Variants in RWDD4 observed in about 807,000 individuals in gnomAD.
The protein encoded by RWDD4 is RWD domain containing 4.
In RWDD4, 16 loss-of-function variants were observed where a neutral mutation model predicts 30.0. That is an observed-to-expected ratio of 0.53 (90% CI 0.36 to 0.81). The LOEUF (loss-of-function observed/expected upper bound fraction) is 0.81. Among genes scored for constraint, RWDD4 ranks in the 30% least tolerant of loss-of-function variants. The pLI, the probability that RWDD4 is intolerant of heterozygous loss-of-function variation, is 0.00. For synonymous variants in RWDD4, 45 were observed against 72.1 expected (o/e 0.62, Z 1.90); for missense variants, 170 against 223.9 (o/e 0.76, Z 1.54).
At chr4:183,658,805 C>A (rs1441741240) in intron 1 of RWDD4, 124 bp downstream of exon 1, 6 of 895,414 alleles carry the variant, frequency 6.7e-6, no homozygotes, top group Non-Finnish European at 4.4e-6. Context: ...ACTCGGGGCA[C>A]CCCGGCCGGC....
At position 183,652,608 on chromosome 4, in the gene RWDD4, G is replaced by A. The variant is rs545687352; in HGVS notation, c.106-1281C>T. On this transcript the variant is annotated intron_variant, in intron 2 of 7. Transcript: ENST00000326397. ...GGGTAGATCATGAGGTCAAGAGATCGAGACCATCCTGGCCAACATGGTGAA... is the reference window on the plus strand; with the variant it reads ...GGGTAGATCATGAGGTCAAGAGATCAAGACCATCCTGGCCAACATGGTGAA... 9.9e-5 allele frequency among the ~76,000 whole-genome samples: 15 copies of A among 152,008 alleles called. No homozygotes were observed. In the East Asian group the frequency reaches 1.4e-3, roughly 14 times the overall value.
At chr4:183,642,042 C>G (rs2111225473) in intron 7 of RWDD4, among the ~76,000 whole-genome samples, 1 of 152,162 alleles carries the variant, frequency 6.6e-6, no homozygotes, top group South Asian at 2.1e-4. Flanking sequence ...TCTGATCAGA[C>G]TACTGCTCCA....
At chr4:183,657,075 T>C (rs969123240) in intron 1 of RWDD4, among the ~76,000 whole-genome samples, 1 of 152,150 alleles carries the variant, frequency 6.6e-6, no homozygotes, top group African/African-American at 2.4e-5. Context: ...AAACAGTGTG[T>C]GAGGAACTGG....
chr4:183,650,585 T>C (rs1427026877), intron 4 of RWDD4, among the ~76,000 whole-genome samples: 1 of 152,204 alleles, frequency 6.6e-6, no homozygotes, highest in East Asian at 1.9e-4. Context: ...CATCTACACA[T>C]TGAACTGTGG....
At chr4:183,658,508 T>G (rs1734267108) in intron 1 of RWDD4, among the ~76,000 whole-genome samples, 1 of 152,210 alleles carries the variant, frequency 6.6e-6, no homozygotes, top group African/African-American at 2.4e-5. Context: ...CAGTGTCATT[T>G]TCTTCCATGA....
chr4:183,647,295 A>T (rs2111235229), intron 5 of RWDD4, among the ~76,000 whole-genome samples: 1 of 152,330 alleles, frequency 6.6e-6, no homozygotes, highest in East Asian at 1.9e-4. Context: ...AACTCAAAAC[A>T]AGTACATTAT....
intron 6 of RWDD4, 56 bp from the exon 7 acceptor site, chr4:183,646,409 A>C: frequency 6.3e-7 from 1 of 1,584,002 alleles, no homozygotes. Flanking sequence ...TGTGAAGGGG[A>C]AAACAAAAAA....
intron 2 of RWDD4, among the ~76,000 whole-genome samples, chr4:183,652,289 C>T (rs1251922156): frequency 6.6e-6 from 1 of 151,802 alleles, no homozygotes; most frequent in Admixed American, 6.6e-5. Context: ...ATTGAGGGAT[C>T]ATGGACTGCA....
intron 1 of RWDD4, among the ~76,000 whole-genome samples, chr4:183,658,400 G>A (rs1271858029): frequency 3.9e-5 from 6 of 152,122 alleles, no homozygotes; most frequent in Admixed American, 3.9e-4. Context: ...AAATATTTGA[G>A]CATAAACCAT....
intron 4 of RWDD4, among the ~76,000 whole-genome samples, chr4:183,650,581 C>T (rs984372838): frequency 3.9e-5 from 6 of 152,150 alleles, no homozygotes; most frequent in African/African-American, 1.4e-4. Context: ...GCAACATCTA[C>T]ACATTGAACT....
intron 2 of RWDD4, among the ~76,000 whole-genome samples, chr4:183,655,599 T>G (rs983695442): frequency 1.3e-5 from 2 of 152,218 alleles, no homozygotes; most frequent in African/African-American, 4.8e-5. Flanking sequence ...GTTACTATTT[T>G]ATGTTAAAGA....
Position 183,646,005 on chromosome 4 carries a change from C to T in RWDD4, c.534+346G>A, listed in dbSNP as rs145646187. 3.5e-3 allele frequency among the ~76,000 whole-genome samples: 532 copies of T among 152,174 alleles called. 4 individuals carry two copies. The highest frequency in any genetic ancestry group is 0.012 in the African/African-American group (501 of 41,538). ...GCAACCTCCGCCTCCTGGGTTCAAG[C>T]GAATTCTCGTGCCTCAGCCTCCTGA... On this transcript the variant is annotated intron_variant, in intron 7 of 7. Transcript: ENST00000326397.
chr4:183,643,996 CTT>C (rs1330135321), intron 7 of RWDD4, among the ~76,000 whole-genome samples: 9 of 152,308 alleles, frequency 5.9e-5, no homozygotes, highest in South Asian at 2.1e-4. Context: ...GAATTTTACT[CTT>C]TGTTACAAAT....
At position 183,655,457 on chromosome 4, in the gene RWDD4, AT is replaced by A. The variant is rs113989387; in HGVS notation, c.105+423del. ...CCACCATGCCCGGCTAATTTTTTGT[AT>A]TTTTAGTAGAGACAGTGGGGTTTCA... On this transcript the variant is annotated intron_variant, in intron 2 of 7. Transcript: ENST00000326397. Among the ~76,000 whole-genome samples the A allele has an allele frequency of 2.4e-3, 357 of 150,912 alleles. 2 individuals carry two copies. The highest frequency in any genetic ancestry group is 8.3e-3 in the African/African-American group (339 of 41,068).
At chr4:183,649,424 A>C in intron 5 of RWDD4, 27 bp downstream of exon 5, 1 of 1,448,108 alleles carries the variant, frequency 6.9e-7, no homozygotes, top group Non-Finnish European at 9.6e-7. Context: ...AAAAAAAGAA[A>C]AGAAAAGAAA....
rs751240353 is a variant in RWDD4, at chr4:183,651,140, C to T, written c.216-9G>A. On this transcript the variant is annotated splice_polypyrimidine_tract_variant and intron_variant, in intron 3 of 7. Transcript: ENST00000326397. ...GCTTTACAGCTGATGATCTACAATG[C>T]ACAACAAAAATACCTTGCTGAGAGA... 6.4e-5 allele frequency: 104 copies of T among 1,613,808 alleles called. 1 individual carries two copies. The highest frequency in any genetic ancestry group is 8.6e-5 in the Non-Finnish European group (101 of 1,179,970).
At position 183,643,415 on chromosome 4, in the gene RWDD4, C is replaced by CA. The variant is rs56730708; in HGVS notation, c.535-1948dup. ...TGAGTGACAGAGCAAGACTCTATCT[C>CA]AAAAAAAAAAAAAAAAAAAAAAAAA... On this transcript the variant is annotated intron_variant, in intron 7 of 7. Coordinates refer to ENST00000326397, the MANE Select transcript of RWDD4 (RefSeq NM_152682.4). Among the ~76,000 whole-genome samples the CA allele has an allele frequency of 1.8e-3, 41 of 22,662 alleles. 7 individuals carry two copies. Among genetic ancestry groups the CA allele is most frequent in the East Asian group, 4.3e-3 (5 of 1,176 alleles). 14.9% of individuals were successfully genotyped at this position (22,662 alleles called of 152,430 possible).
rs1733853917 is a variant in RWDD4 at position 183,641,404 on chromosome 4, G to A, written c.*32C>T. Reference sequence around the variant, plus strand: ...TTTGAACCCAGTTTTACTCTTTAAAGAATGCTCTTTCCTTGTCTCAAATTC... The same window carrying A: ...TTTGAACCCAGTTTTACTCTTTAAAAAATGCTCTTTCCTTGTCTCAAATTC... On this transcript the variant is annotated 3_prime_UTR_variant, in exon 8 of 8. Transcript: ENST00000326397. 1.3e-6 allele frequency: 2 copies of A among 1,555,730 alleles called. No homozygotes were observed. The highest frequency in any genetic ancestry group is 1.1e-5 in the South Asian group (1 of 88,276).
intron 7 of RWDD4, among the ~76,000 whole-genome samples, chr4:183,646,013 C>T (rs542809149): frequency 1.4e-4 from 22 of 152,252 alleles, no homozygotes; most frequent in Admixed American, 2.6e-4. Flanking sequence ...AGCGAATTCT[C>T]GTGCCTCAGC....
Sources: gnomAD v4.1 joint callset for allele counts (sites outside exome capture counted in the v4.1 genomes callset) on GRCh38, gnomAD v4.1.1 for gene constraint, MANE v1.5 for transcripts, NCBI Gene and HGNC (gene_info 2026-07-23, HGNC 2026-07-21) for gene names.